Variants in NPAS3 observed in about 807,000 individuals in gnomAD.
The protein encoded by NPAS3 is neuronal PAS domain protein 3, also known as neuronal PAS domain-containing protein 3.
In NPAS3, 14 loss-of-function variants were observed where a neutral mutation model predicts 73.1. That is an observed-to-expected ratio of 0.19 (90% confidence interval 0.13 to 0.30). The LOEUF (loss-of-function observed/expected upper bound fraction) is 0.30. Among genes scored for constraint, NPAS3 ranks in the 10% least tolerant of loss-of-function variants. The pLI, the probability that NPAS3 is intolerant of heterozygous loss-of-function variation, is 1.00. For synonymous variants in NPAS3, 620 were observed against 541.5 expected (o/e 1.14, Z -2.01); for missense variants, 1,096 against 1,250.0 (o/e 0.88, Z 1.86).
rs146490898 is a variant in NPAS3, at chr14:33,570,311, G to A, written c.558+10101G>A. 5.5e-3 allele frequency among the ~76,000 whole-genome samples: 842 copies of A among 152,306 alleles called. 3 individuals are homozygous for A. The highest frequency in any genetic ancestry group is 0.017 in the Middle Eastern group (5 of 294). On this transcript the variant is annotated intron_variant, in intron 5 of 11. Coordinates refer to ENST00000356141, the Ensembl canonical transcript of NPAS3. Reference sequence around the variant, plus strand: ...TTGCTTGCAACTTGGTCATCTGGAAGAGGAAAACATGATCCGACTGTTCAG... The same window carrying A: ...TTGCTTGCAACTTGGTCATCTGGAAAAGGAAAACATGATCCGACTGTTCAG...
intron 4 of NPAS3, among the ~76,000 whole-genome samples, chr14:33,374,217 C>G (rs1429570453): frequency 6.6e-6 from 1 of 152,074 alleles, no homozygotes; most frequent in Non-Finnish European, 1.5e-5. Context: ...TTCATTTCCT[C>G]AACACCTTTA....
chr14:32,979,395 GA>G (rs2037810278), intron 1 of NPAS3, among the ~76,000 whole-genome samples: 1 of 152,072 alleles, frequency 6.6e-6, no homozygotes, highest in African/African-American at 2.4e-5. Flanking sequence ...CACTGAATTA[GA>G]CACACTATCT....
At chr14:33,717,714 G>A (rs934515083) in intron 6 of NPAS3, among the ~76,000 whole-genome samples, 2 of 151,998 alleles carry the variant, frequency 1.3e-5, no homozygotes, top group South Asian at 2.1e-4. Flanking sequence ...TCTAGATTCC[G>A]TTTAGGCCAT....
At chr14:33,405,617 T>A (rs1157405740) in intron 4 of NPAS3, among the ~76,000 whole-genome samples, 1 of 152,120 alleles carries the variant, frequency 6.6e-6, no homozygotes, top group Non-Finnish European at 1.5e-5. Flanking sequence ...GTTCACAATA[T>A]TTTGGGGGTA....
At chr14:33,065,270 T>C (rs2041239987) in intron 2 of NPAS3, among the ~76,000 whole-genome samples, 1 of 152,106 alleles carries the variant, frequency 6.6e-6, no homozygotes, top group Non-Finnish European at 1.5e-5. Flanking sequence ...AAGGGTATGG[T>C]GGGTTAAAGA....
intron 5 of NPAS3, among the ~76,000 whole-genome samples, chr14:33,644,717 G>A (rs533716964): frequency 2.3e-4 from 35 of 152,166 alleles, no homozygotes; most frequent in Admixed American, 1.8e-3. Context: ...AGATACTGCC[G>A]TTTTTGCATC....
rs903712880 is a variant in NPAS3 at position 33,246,766 on chromosome 14, G to A, written c.385+31340G>A. 1.4e-5 allele frequency among the ~76,000 whole-genome samples: 2 copies of A among 146,360 alleles called. 1 individual carries two copies. Among genetic ancestry groups the A allele is most frequent in the Non-Finnish European group, 3.0e-5 (2 of 67,256 alleles). On this transcript the variant is annotated intron_variant, in intron 3 of 11. Coordinates refer to ENST00000356141, the Ensembl canonical transcript of NPAS3. ...CCAGCACTCTGGGAGCCCAAGGCGG[G>A]TGGATCACCTGAGGATCAGGAGTTC...
At chr14:33,682,587 C>G (rs1342957448) in intron 6 of NPAS3, among the ~76,000 whole-genome samples, 1 of 152,144 alleles carries the variant, frequency 6.6e-6, no homozygotes, top group East Asian at 1.9e-4. Flanking sequence ...GATGCAGTAC[C>G]ATTTTTTCAT....
At chr14:33,751,750 T>C (rs1016986583) in intron 7 of NPAS3, among the ~76,000 whole-genome samples, 1 of 152,210 alleles carries the variant, frequency 6.6e-6, no homozygotes, top group African/African-American at 2.4e-5. Context: ...CTGATTTTGG[T>C]TGACTATTCA....
chr14:33,735,230 C>T, exon 7 of NPAS3: 1 of 1,613,310 alleles, frequency 6.2e-7, no homozygotes, highest in Non-Finnish European at 8.5e-7. Context: ...CAACCAGCCC[C>T]AGTCTGCTAA....
At chr14:33,216,135 G>A (rs1408383302) in intron 3 of NPAS3, among the ~76,000 whole-genome samples, 2 of 152,108 alleles carry the variant, frequency 1.3e-5, no homozygotes, top group African/African-American at 2.4e-5. Flanking sequence ...TATATGTGGT[G>A]TTGGCCATTG....
intron 3 of NPAS3, among the ~76,000 whole-genome samples, chr14:33,365,878 A>G (rs1160934953): frequency 6.6e-6 from 1 of 152,246 alleles, no homozygotes; most frequent in Non-Finnish European, 1.5e-5. Context: ...TTACCCCAGC[A>G]GCATTTCACT....
intron 3 of NPAS3, among the ~76,000 whole-genome samples, chr14:33,301,604 G>A (rs1232640444): frequency 6.6e-6 from 1 of 151,906 alleles, no homozygotes; most frequent in African/African-American, 2.4e-5. Flanking sequence ...ATTTGGATTT[G>A]AATTTAACTA....
At chr14:33,174,553 G>T (rs935551726) in intron 2 of NPAS3, among the ~76,000 whole-genome samples, 1 of 152,148 alleles carries the variant, frequency 6.6e-6, no homozygotes, top group East Asian at 1.9e-4. Flanking sequence ...TTTAACATGT[G>T]GGTCCAGTTA....
At position 32,949,658 on chromosome 14, in the gene NPAS3, T is replaced by C. The variant is rs141718077; in HGVS notation, c.50+10292T>C. 1.1e-3 allele frequency among the ~76,000 whole-genome samples: 171 copies of C among 152,134 alleles called. No individual in the cohort carries two copies. In the East Asian group the frequency reaches 0.015, roughly 13 times the overall value. ...TTTTAGTCTCCTACCCATCTTTTAC[T>C]GGCAGGTTAGGGCAGTATCATATAT... On this transcript the variant is annotated intron_variant, in intron 1 of 11. Transcript: ENST00000356141.
chr14:33,458,973 AGCAGCCCC>A (rs1242763569), intron 4 of NPAS3, among the ~76,000 whole-genome samples: 1 of 152,228 alleles, frequency 6.6e-6, no homozygotes, highest in African/African-American at 2.4e-5. Context: ...TACTCCATAG[AGCAGCCCC>A]AAAGGCTGCT....
intron 2 of NPAS3, among the ~76,000 whole-genome samples, chr14:33,172,298 G>T (rs1223731058): frequency 6.6e-6 from 1 of 152,186 alleles, no homozygotes; most frequent in South Asian, 2.1e-4. Context: ...ACAGTGAAGC[G>T]AAATGCAGTA....
intron 3 of NPAS3, among the ~76,000 whole-genome samples, chr14:33,315,345 T>C (rs1179329441): frequency 6.6e-6 from 1 of 152,078 alleles, no homozygotes; most frequent in African/African-American, 2.4e-5. Context: ...GTTGTAGGTT[T>C]CTGAGTAATA....
intron 4 of NPAS3, among the ~76,000 whole-genome samples, chr14:33,466,783 AACTC>A (rs927140648): frequency 4.6e-5 from 7 of 152,080 alleles, no homozygotes; most frequent in Admixed American, 4.6e-4. Flanking sequence ...ATCTTCCAAG[AACTC>A]ACTCACTATA....
Sources: gnomAD v4.1 joint callset for allele counts (sites outside exome capture counted in the v4.1 genomes callset) on GRCh38, gnomAD v4.1.1 for gene constraint, MANE v1.5 for transcripts, NCBI Gene and HGNC (gene_info 2026-07-23, HGNC 2026-07-21) for gene names.